The following AP2A2 variants were observed in gnomAD, a reference collection of about 807,000 sequenced individuals.
AP2A2 encodes adaptor related protein complex 2 subunit alpha 2.
Under a neutral mutation model 104.2 loss-of-function variants are expected in AP2A2, and 32 were observed. The ratio of observed to expected loss-of-function variants is 0.31; its 90% CI spans 0.23 to 0.41. AP2A2 has a LOEUF of 0.41. AP2A2 is among the 10% of genes least tolerant of loss of function. AP2A2 has a pLI of 1.00. For synonymous variants in AP2A2, 539 were observed against 533.3 expected (o/e 1.01, Z -0.15); for missense variants, 912 against 1,261.0 (o/e 0.72, Z 4.19).
chr11:935,142 C>T lies in AP2A2; in HGVS notation c.67+9054C>T, dbSNP rs192868275. Among the ~76,000 whole-genome samples the T allele has an allele frequency of 4.6e-5, 7 of 150,674 alleles. No homozygotes were observed. In the East Asian group the frequency reaches 1.2e-3, roughly 25 times the overall value. On this transcript the variant is annotated intron_variant, in intron 1 of 21. Transcript: ENST00000448903. ...GATCTCTGCTCACTGCAACCTCTGC[C>T]TCCCAGGTTCAAGTGATTCTCCTGC...
intron 1 of AP2A2, among the ~76,000 whole-genome samples, chr11:932,172 C>T (rs998228550): frequency 3.3e-5 from 5 of 152,196 alleles, no homozygotes; most frequent in South Asian, 2.1e-4. Context: ...AGGCTGGTCT[C>T]GAACTCTTGG....
intron 14 of AP2A2, among the ~76,000 whole-genome samples, chr11:996,979 T>C (rs746906782): frequency 5.9e-5 from 9 of 151,664 alleles, no homozygotes; most frequent in Non-Finnish European, 1.3e-4. Context: ...ATTGCTATCC[T>C]GTGCTTTCCA....
At position 1,009,808 on chromosome 11, in the gene AP2A2, G is replaced by C. The variant is rs1347962744; in HGVS notation, c.2733G>C (p.Leu911=). 1.3e-6 allele frequency: 2 copies of C among 1,546,160 alleles called. No homozygotes were observed. Among genetic ancestry groups the C allele is most frequent in the Non-Finnish European group, 1.8e-6 (2 of 1,142,594 alleles). The change falls in exon 21 of 22, where the codon CTG becomes CTC. Residue 911 remains leucine (L), a synonymous_variant. Coordinates refer to ENST00000448903, the MANE Select transcript of AP2A2 (RefSeq NM_012305.4). ...GCCTGCTGCGCTTGGAGCCGAACCT[G>C]CAAGCCCAGGTCAGGCCCTCAGGAA... ...IGCLLRLEPN[L]QAQMYRLTLR... is the part of the protein sequence containing the mutation.
intron 1 of AP2A2, among the ~76,000 whole-genome samples, chr11:936,119 G>C (rs530919563): frequency 6.7e-6 from 1 of 149,182 alleles, no homozygotes; most frequent in Non-Finnish European, 1.5e-5. Context: ...GTGTTAGCCA[G>C]GATGGTCTCT....
At chr11:989,928 G>A (rs1171161625) in intron 10 of AP2A2, among the ~76,000 whole-genome samples, 1 of 152,168 alleles carries the variant, frequency 6.6e-6, no homozygotes, top group Non-Finnish European at 1.5e-5. Flanking sequence ...TTTTTTGGGC[G>A]AAGTGCGGCT....
At chr11:1,007,917 G>A in intron 17 of AP2A2, 95 bp from the exon 18 acceptor site, 1 of 1,529,486 alleles carries the variant, frequency 6.5e-7, no homozygotes, top group South Asian at 1.2e-5. Flanking sequence ...TGTGGTGAGT[G>A]TGCTCGCCTC....
intron 15 of AP2A2, among the ~76,000 whole-genome samples, chr11:1,002,495 G>A (rs1375645545): frequency 6.6e-6 from 1 of 152,266 alleles, no homozygotes; most frequent in African/African-American, 2.4e-5. Context: ...GCAGCCTGCC[G>A]GGCTGTGCAG....
intron 1 of AP2A2, among the ~76,000 whole-genome samples, chr11:932,958 C>A (rs1427697132): frequency 6.6e-6 from 1 of 152,164 alleles, no homozygotes; most frequent in South Asian, 2.1e-4. Context: ...GATTAAATGG[C>A]ATTTCCTTGG....
Position 968,356 on chromosome 11 carries a change from CT to C in AP2A2, c.137-1811del, listed in dbSNP as rs1230491867. Among the ~76,000 whole-genome samples, 1 of 151,988 alleles carries C rather than the reference CT, an allele frequency of 6.6e-6. No homozygotes were observed. Among genetic ancestry groups the C allele is most frequent in the Non-Finnish European group, 1.5e-5 (1 of 67,976 alleles). On this transcript the variant is annotated intron_variant, in intron 2 of 21. Coordinates refer to ENST00000448903, the MANE Select transcript of AP2A2 (RefSeq NM_012305.4). The surrounding 1 kb of genome is among the most constrained non-coding windows in gnomAD (Gnocchi z 4.2). The stretch of plus-strand genomic sequence containing the variant: ...AGCACCCGGGAGCTCTAGAGCAGCT[CT>C]TCGTCTGGGGTCCCGCGGGAGCAGA...
At chr11:977,020 C>T in intron 4 of AP2A2, 75 bp from the exon 5 acceptor site, 11 of 1,591,058 alleles carry the variant, frequency 6.9e-6, no homozygotes, top group Non-Finnish European at 7.7e-6. Flanking sequence ...CTCCTGCTGG[C>T]TCTGGGGGGG....
At chr11:986,133 G>T (rs957957108) in intron 8 of AP2A2, among the ~76,000 whole-genome samples, 93 of 152,240 alleles carry the variant, frequency 6.1e-4, no homozygotes, top group African/African-American at 2.2e-3. Flanking sequence ...CCATGCTTTA[G>T]GGTCCTGTGA....
Position 985,716 on chromosome 11 carries a change from C to T in AP2A2, c.962+134C>T, listed in dbSNP as rs1855432675. Reference sequence around the variant, plus strand: ...CCCCTTCGTCCTGCCTCTGTGCTCCCTGCCGGATGCTTTTTTTCTTTCTGT... The same window carrying T: ...CCCCTTCGTCCTGCCTCTGTGCTCCTTGCCGGATGCTTTTTTTCTTTCTGT... On this transcript the variant is annotated intron_variant, in intron 8 of 21. Coordinates refer to ENST00000448903, the MANE Select transcript of AP2A2 (RefSeq NM_012305.4). The T allele has an allele frequency of 3.1e-6, 4 of 1,279,178 alleles. No homozygotes were observed. The South Asian group carries it at 5.3e-5, about 17-fold the overall frequency. 79.2% of individuals were successfully genotyped at this position (1,279,178 alleles called of 1,614,324 possible). A position where few individuals can be genotyped will look rare whatever the true frequency, so the allele number is the denominator to read the frequency against.
chr11:994,675 TC>T (rs1855788265), intron 14 of AP2A2, among the ~76,000 whole-genome samples: 1 of 137,156 alleles, frequency 7.3e-6, no homozygotes, highest in South Asian at 2.4e-4. Context: ...CCCTGGCCTG[TC>T]CCGGGGGCCA....
intron 1 of AP2A2, among the ~76,000 whole-genome samples, chr11:941,500 C>T (rs1230170178): frequency 1.3e-5 from 2 of 151,520 alleles, no homozygotes; most frequent in Non-Finnish European, 2.9e-5. Flanking sequence ...CAGGCTGGTC[C>T]TGAACTCCTG....
intron 18 of AP2A2, 79 bp downstream of exon 18, chr11:1,008,214 C>T: frequency 1.3e-6 from 2 of 1,483,032 alleles, no homozygotes; most frequent in South Asian, 1.4e-5. Context: ...GACTGTGCCT[C>T]CGTGTCCTTC....
At chr11:936,398 A>T (rs1040914630) in intron 1 of AP2A2, among the ~76,000 whole-genome samples, 1 of 150,916 alleles carries the variant, frequency 6.6e-6, no homozygotes, top group Non-Finnish European at 1.5e-5. Flanking sequence ...TAAATAAATA[A>T]ATTAGTTATT....
chr11:967,680 C>T (rs886953872), intron 2 of AP2A2, among the ~76,000 whole-genome samples: 3 of 151,994 alleles, frequency 2.0e-5, no homozygotes, highest in Non-Finnish European at 4.4e-5. Flanking sequence ...TTTATAGTAA[C>T]CTGCTGAGAA....
intron 1 of AP2A2, among the ~76,000 whole-genome samples, chr11:950,257 C>G (rs1854003088): frequency 6.6e-6 from 1 of 150,876 alleles, no homozygotes; most frequent in South Asian, 2.1e-4. Context: ...AGAGCTAAAA[C>G]TATGAGACTC....
rs1856413859 is a variant in AP2A2, at chr11:1,011,090, G to A, written c.*465G>A. The A allele has an allele frequency of 3.3e-6, 2 of 601,184 alleles. No individual in the cohort carries two copies. The highest frequency in any genetic ancestry group is 3.6e-5 in the African/African-American group (2 of 55,386). 37.2% of individuals were successfully genotyped at this position (601,184 alleles called of 1,614,324 possible). A position where few individuals can be genotyped will look rare whatever the true frequency, so the allele number is the denominator to read the frequency against. On this transcript the variant is annotated 3_prime_UTR_variant, in exon 22 of 22. Transcript: ENST00000448903. ...CACCTGGCGTCGTCCTGGGCCCTTG[G>A]GAGGAGCACAGCTGACCCTGGTTTT...
Sources: allele counts gnomAD v4.1 joint callset (sites outside exome capture counted in the v4.1 genomes callset), GRCh38; gene constraint gnomAD v4.1.1; non-coding constraint Gnocchi (gnomAD v3.1); transcripts MANE v1.5; gene names NCBI Gene and HGNC (gene_info 2026-07-23, HGNC 2026-07-21).